Variants in PHF24 observed in about 807,000 individuals in gnomAD.
The protein encoded by PHF24 is PHD finger protein 24, also known as Galpha inhibitory interacting protein.
Under a neutral mutation model 42.6 loss-of-function variants are expected in PHF24, and 25 were observed. That is an observed-to-expected ratio of 0.59 (90% CI 0.43 to 0.82). The LOEUF (loss-of-function observed/expected upper bound fraction) is 0.82, where lower values mean the gene tolerates loss of function less well. Ranked by LOEUF, PHF24 falls within the 40% of genes least tolerant of loss-of-function variation. The pLI, the probability that PHF24 is intolerant of heterozygous loss-of-function variation, is 0.00. For synonymous variants in PHF24, 185 were observed against 204.8 expected, an observed-to-expected ratio of 0.90 and a Z score of 0.83; for missense variants, 470 against 538.1, an observed-to-expected ratio of 0.87 and a Z score of 1.25.
chr9:34,747,325 C>T, the PHF24 span, among the ~76,000 whole-genome samples: 461 of 152,080 alleles, frequency 3.0e-3, 2 homozygotes, highest in Middle Eastern at 0.01. Flanking sequence ...CTGAAGTGCA[C>T]GGATCGCTTG....
At chr9:34,890,040 A>G in the PHF24 span, among the ~76,000 whole-genome samples, 3 of 152,202 alleles carry the variant, frequency 2.0e-5, no homozygotes, top group African/African-American at 7.2e-5. Flanking sequence ...AGCAATAGCC[A>G]GTACTGAGAG....
chr9:34,818,879 G>C, the PHF24 span, among the ~76,000 whole-genome samples: 3 of 152,140 alleles, frequency 2.0e-5, no homozygotes, highest in African/African-American at 7.2e-5. Flanking sequence ...AGATTTGGTA[G>C]GTAGTAGTCT....
the PHF24 span, among the ~76,000 whole-genome samples, chr9:34,951,045 A>C: frequency 5.9e-5 from 9 of 152,252 alleles, no homozygotes; most frequent in African/African-American, 2.2e-4. Flanking sequence ...AGGAAACATT[A>C]TGAACAATTA....
intron 1 of PHF24, among the ~76,000 whole-genome samples, chr9:34,961,824 A>C (rs1185842134): frequency 6.6e-6 from 1 of 152,224 alleles, no homozygotes; most frequent in East Asian, 1.9e-4. Context: ...AGCATGTTAC[A>C]GTTTATGAAG....
At chr9:34,944,566 C>A in the PHF24 span, among the ~76,000 whole-genome samples, 3 of 152,248 alleles carry the variant, frequency 2.0e-5, no homozygotes, top group Non-Finnish European at 2.9e-5. Context: ...GAGTAGACCA[C>A]TTCTGCAGTC....
At chr9:34,696,004 C>G in the PHF24 span, among the ~76,000 whole-genome samples, 13 of 152,218 alleles carry the variant, frequency 8.5e-5, no homozygotes, top group East Asian at 2.3e-3. Context: ...GTCACTTAGA[C>G]TATCACTCGT....
the PHF24 span, among the ~76,000 whole-genome samples, chr9:34,680,545 G>A: frequency 1.3e-5 from 2 of 148,506 alleles, no homozygotes; most frequent in East Asian, 2.0e-4. Flanking sequence ...AAAATTAGCC[G>A]GGCGTAGTGG....
the PHF24 span, among the ~76,000 whole-genome samples, chr9:34,770,985 T>C: frequency 6.6e-6 from 1 of 152,052 alleles, no homozygotes; most frequent in Non-Finnish European, 1.5e-5. Context: ...TTGTGGCGCA[T>C]GACTGTAATC....
chr9:34,748,759 A>G, the PHF24 span, among the ~76,000 whole-genome samples: 4 of 152,306 alleles, frequency 2.6e-5, no homozygotes, highest in East Asian at 7.7e-4. Flanking sequence ...AACTGAGAAG[A>G]CTACAATAAA....
chr9:34,694,541 C>T, the PHF24 span, among the ~76,000 whole-genome samples: 2 of 152,138 alleles, frequency 1.3e-5, no homozygotes. Context: ...TCATGTTGGC[C>T]AGGCTGGTCT....
At chr9:34,977,482 G>T in intron 6 of PHF24, 64 bp from the exon 7 acceptor site, 1 of 1,499,754 alleles carries the variant, frequency 6.7e-7, no homozygotes, top group Non-Finnish European at 9.1e-7. Context: ...GGGCTTACCA[G>T]AGTTTGGGAG....
At chr9:34,976,681 G>C in exon 5 of PHF24, 2 of 1,614,178 alleles carry the variant, frequency 1.2e-6, no homozygotes, top group Non-Finnish European at 1.7e-6. Context: ...AGGCCACATA[G>C]AGTGGCCTGA....
chr9:34,712,891 G>C, the PHF24 span, among the ~76,000 whole-genome samples: 1 of 152,138 alleles, frequency 6.6e-6, no homozygotes, highest in African/African-American at 2.4e-5. Context: ...GACAGTTAAA[G>C]TCTTCATCTA....
At chr9:34,934,112 T>C in the PHF24 span, among the ~76,000 whole-genome samples, 4 of 152,286 alleles carry the variant, frequency 2.6e-5, no homozygotes, top group East Asian at 7.7e-4. Context: ...AGTAAGACAA[T>C]GTCCAAGTTC....
At chr9:34,736,895 C>T in the PHF24 span, among the ~76,000 whole-genome samples, 1 of 152,124 alleles carries the variant, frequency 6.6e-6, no homozygotes, top group Non-Finnish European at 1.5e-5. Flanking sequence ...TTCTATACCA[C>T]GCAAATGATA....
the PHF24 span, chr9:34,838,331 A>C: frequency 6.6e-6 from 5 of 754,712 alleles, no homozygotes; most frequent in Non-Finnish European, 1.2e-5. Flanking sequence ...GTTCAGTTGG[A>C]ATCATAGTGT....
the PHF24 span, chr9:34,728,144 G>T: frequency 6.8e-7 from 1 of 1,463,142 alleles, no homozygotes; most frequent in Non-Finnish European, 9.3e-7. Context: ...CCTATAGGAA[G>T]CTGAATAGTA....
At chr9:34,719,485 A>G in the PHF24 span, among the ~76,000 whole-genome samples, 839 of 152,302 alleles carry the variant, frequency 5.5e-3, 4 homozygotes, top group African/African-American at 0.018. Flanking sequence ...TCCTGCATGA[A>G]TCATAGGCTC....
chr9:34,784,541 A>G, the PHF24 span, among the ~76,000 whole-genome samples: 1 of 152,210 alleles, frequency 6.6e-6, no homozygotes, highest in African/African-American at 2.4e-5. Context: ...CATAGTTCAC[A>G]TGCATAGTCT....
Sources: allele counts gnomAD v4.1 joint callset (sites outside exome capture counted in the v4.1 genomes callset), GRCh38; gene constraint gnomAD v4.1.1; transcripts MANE v1.5; gene names NCBI Gene and HGNC (gene_info 2026-07-23, HGNC 2026-07-21).